The following MAP2 variants were observed in gnomAD, a reference collection of about 807,000 sequenced individuals.
The protein encoded by MAP2 is microtubule associated protein 2.
In MAP2, 14 loss-of-function variants were observed where a neutral mutation model predicts 137.6. The observed-to-expected ratio is 0.10, with a 90% CI of 0.07 to 0.16. The LOEUF (loss-of-function observed/expected upper bound fraction) is 0.16. Ranked by LOEUF, MAP2 falls within the 10% of genes least tolerant of loss-of-function variation. The probability of loss-of-function intolerance (pLI) is 1.00; values close to 1 mark genes in which losing one functional copy is unlikely to be tolerated. For synonymous variants in MAP2, 786 were observed against 782.3 expected, an observed-to-expected ratio of 1.00 and a Z score of -0.08; for missense variants, 2,088 against 2,191.5, an observed-to-expected ratio of 0.95 and a Z score of 0.94.
chr2:209,504,542 C>T (rs2060798339), intron 1 of MAP2, among the ~76,000 whole-genome samples: 1 of 152,134 alleles, frequency 6.6e-6, no homozygotes, highest in South Asian at 2.1e-4. Flanking sequence ...TGTTAAGTGG[C>T]AATATCATCC....
chr2:209,464,210 A>G (rs1030683845), intron 1 of MAP2, among the ~76,000 whole-genome samples: 17 of 152,182 alleles, frequency 1.1e-4, no homozygotes, highest in African/African-American at 3.9e-4. Flanking sequence ...ATCTCAGTAT[A>G]AAGAAAAAAT....
intron 1 of MAP2, among the ~76,000 whole-genome samples, chr2:209,458,874 A>T (rs1702128648): frequency 6.6e-6 from 1 of 152,102 alleles, no homozygotes; most frequent in Non-Finnish European, 1.5e-5. Context: ...TCTATACCTT[A>T]GTCTTTTCAT....
intron 3 of MAP2, among the ~76,000 whole-genome samples, chr2:209,587,060 A>G (rs569904746): frequency 6.6e-6 from 1 of 152,286 alleles, no homozygotes; most frequent in South Asian, 2.1e-4. Context: ...ATTATGCCAT[A>G]TAATGAATTT....
intron 2 of MAP2, among the ~76,000 whole-genome samples, chr2:209,575,663 T>C (rs113123863): frequency 0.011 from 1,658 of 151,706 alleles, 32 homozygotes; most frequent in African/African-American, 0.037. Flanking sequence ...TGTTTAGACA[T>C]TCCAATTCAT....
intron 13 of MAP2, among the ~76,000 whole-genome samples, chr2:209,725,303 A>G (rs2073475715): frequency 6.6e-6 from 1 of 152,228 alleles, no homozygotes; most frequent in East Asian, 1.9e-4. Context: ...TCTTGTAACT[A>G]TGAGCAACAT....
At chr2:209,714,441 A>G (rs2066724537) in intron 13 of MAP2, among the ~76,000 whole-genome samples, 1 of 152,248 alleles carries the variant, frequency 6.6e-6, no homozygotes, top group South Asian at 2.1e-4. Flanking sequence ...TAGCTAGGCT[A>G]CAGATGGTGG....
chr2:209,464,195 A>T (rs1274302485), intron 1 of MAP2, among the ~76,000 whole-genome samples: 1 of 152,140 alleles, frequency 6.6e-6, no homozygotes, highest in East Asian at 1.9e-4. Flanking sequence ...AAAATAGATG[A>T]TTATATCTCA....
At chr2:209,604,619 C>G (rs2084048531) in intron 3 of MAP2, among the ~76,000 whole-genome samples, 1 of 152,042 alleles carries the variant, frequency 6.6e-6, no homozygotes, top group African/African-American at 2.4e-5. Flanking sequence ...ACCGAGTAAC[C>G]CTACAGTAAC....
rs987202021 is a variant in MAP2 at position 209,732,216 on chromosome 2, G to A, written c.*1819G>A. 1.3e-5 allele frequency: 2 copies of A among 152,150 alleles called. No homozygotes were observed. The highest frequency in any genetic ancestry group is 2.4e-5 in the African/African-American group (1 of 41,418). 9.4% of individuals were successfully genotyped at this position (152,150 alleles called of 1,614,324 possible). On this transcript the variant is annotated 3_prime_UTR_variant, in exon 16 of 16. Transcript: ENST00000682079. ...AATGATGAGGATGTACTGAGGCAACGGGGAAGTATAGAAACATCCAAGACA... is the reference window on the plus strand; with the variant it reads ...AATGATGAGGATGTACTGAGGCAACAGGGAAGTATAGAAACATCCAAGACA...
chr2:209,424,093 C>A lies in MAP2; in HGVS notation c.-405C>A. 6.2e-6 allele frequency: 1 copy of A among 161,958 alleles called. No individual in the cohort carries two copies. Among genetic ancestry groups the A allele is most frequent in the Non-Finnish European group, 1.3e-5 (1 of 75,356 alleles). The allele number at this position is 161,958 out of a possible 1,614,324, so 10.0% of individuals were successfully genotyped here. A position where few individuals can be genotyped will look rare whatever the true frequency, so the allele number is the denominator to read the frequency against. The stretch of plus-strand genomic sequence containing the variant: ...CTGCGCGGGCTCTGGGCAGCAGCAG[C>A]AGCAGCAGCAGCATCCTCTCTTCCT... On this transcript the variant is annotated 5_prime_UTR_variant, in exon 1 of 16. Transcript: ENST00000682079.
rs55677311 is a variant in MAP2 at position 209,733,076 on chromosome 2, G to A, written c.*2679G>A. ...ACGCTGATCTAGGAATGAAATCTTCGTGGTCTCAATTCTAGATCTACTATG... is the reference window on the plus strand; with the variant it reads ...ACGCTGATCTAGGAATGAAATCTTCATGGTCTCAATTCTAGATCTACTATG... On this transcript the variant is annotated 3_prime_UTR_variant, in exon 16 of 16. Coordinates refer to ENST00000682079, the MANE Select transcript of MAP2 (RefSeq NM_001375505.1). The A allele has an allele frequency of 0.022, 3,360 of 152,612 alleles. 39 individuals are homozygous for A. Among genetic ancestry groups the A allele is most frequent in the Non-Finnish European group, 0.035 (2,389 of 68,024 alleles). 9.5% of individuals were successfully genotyped at this position (152,612 alleles called of 1,614,324 possible).
At chr2:209,492,594 C>T (rs1456025821) in intron 1 of MAP2, among the ~76,000 whole-genome samples, 3 of 152,188 alleles carry the variant, frequency 2.0e-5, no homozygotes, top group Non-Finnish European at 2.9e-5. Context: ...AGCAAAGTCT[C>T]AGGATACAAA....
chr2:209,569,230 A>G (rs1037820940), intron 2 of MAP2, among the ~76,000 whole-genome samples: 1 of 151,868 alleles, frequency 6.6e-6, no homozygotes, highest in Non-Finnish European at 1.5e-5. Context: ...TACATGTTTT[A>G]TCTCATGATT....
chr2:209,617,333 C>G (rs944909264), intron 3 of MAP2, among the ~76,000 whole-genome samples: 1 of 152,118 alleles, frequency 6.6e-6, no homozygotes, highest in African/African-American at 2.4e-5. Context: ...TGAAAAATTA[C>G]CAAGAGGCAT....
At chr2:209,675,933 A>G (rs1409333326) in intron 5 of MAP2, among the ~76,000 whole-genome samples, 1 of 151,888 alleles carries the variant, frequency 6.6e-6, no homozygotes, top group Non-Finnish European at 1.5e-5. Context: ...AGATAATTTT[A>G]GGTTTTAAGG....
chr2:209,435,687 T>G (rs1695751094), intron 1 of MAP2, among the ~76,000 whole-genome samples: 1 of 151,436 alleles, frequency 6.6e-6, no homozygotes, highest in Admixed American at 6.6e-5. Flanking sequence ...TGCCTAGAAT[T>G]TCTACATATG....
chr2:209,598,224 C>T (rs573842663), intron 3 of MAP2, among the ~76,000 whole-genome samples: 15 of 151,826 alleles, frequency 9.9e-5, no homozygotes, highest in African/African-American at 3.4e-4. Context: ...CCAGGCTGGT[C>T]GCGAACTCCT....
At chr2:209,511,465 C>A (rs756743827) in intron 2 of MAP2, among the ~76,000 whole-genome samples, 1 of 152,168 alleles carries the variant, frequency 6.6e-6, no homozygotes, top group Non-Finnish European at 1.5e-5. Context: ...TTTGCAATTG[C>A]ACTTGACTAT....
chr2:209,636,652 A>G (rs940834469), intron 4 of MAP2, among the ~76,000 whole-genome samples: 2 of 152,040 alleles, frequency 1.3e-5, no homozygotes, highest in Admixed American at 6.6e-5. Flanking sequence ...ACACTGATAT[A>G]TAATATCCAT....
Sources: allele counts gnomAD v4.1 joint callset (sites outside exome capture counted in the v4.1 genomes callset), GRCh38; gene constraint gnomAD v4.1.1; transcripts MANE v1.5; gene names NCBI Gene and HGNC (gene_info 2026-07-23, HGNC 2026-07-21).